Variants in PTPRD observed in about 807,000 individuals in gnomAD.
PTPRD encodes protein tyrosine phosphatase receptor type D.
In PTPRD, 34 loss-of-function variants were observed where a neutral mutation model predicts 214.5. That is an observed-to-expected ratio of 0.16 (90% confidence interval 0.12 to 0.21). The LOEUF (loss-of-function observed/expected upper bound fraction) is 0.21. Ranked by LOEUF, PTPRD falls within the 10% of genes least tolerant of loss-of-function variation. The pLI is 1.00. For missense variants in PTPRD, 2,545 were observed against 2,398.7 expected (o/e 1.06, Z -1.27); for synonymous variants, 1,128 against 845.7 (o/e 1.33, Z -5.79).
chr9:10,455,976 T>A (rs2098913518), intron 2 of PTPRD, among the ~76,000 whole-genome samples: 1 of 151,854 alleles, frequency 6.6e-6, no homozygotes, highest in African/African-American at 2.4e-5. Context: ...TCTGTTTTAA[T>A]TCTCATATTA....
chr9:9,956,554 A>C (rs1388318806), intron 4 of PTPRD, among the ~76,000 whole-genome samples: 1 of 152,158 alleles, frequency 6.6e-6, no homozygotes, highest in East Asian at 1.9e-4. Context: ...TACAGAAGAT[A>C]CATATGTTTT....
At chr9:10,382,112 T>C (rs1356408225) in intron 2 of PTPRD, among the ~76,000 whole-genome samples, 2 of 151,872 alleles carry the variant, frequency 1.3e-5, no homozygotes, top group Non-Finnish European at 2.9e-5. Flanking sequence ...CTGGTACTTA[T>C]TTGGTATTAA....
At chr9:9,696,710 T>G (rs752646024) in intron 7 of PTPRD, among the ~76,000 whole-genome samples, 1 of 152,136 alleles carries the variant, frequency 6.6e-6, no homozygotes, top group Admixed American at 6.6e-5. Context: ...GTGAAATGGG[T>G]TTCTTGTAGG....
chr9:8,809,022 C>G (rs557686613), intron 11 of PTPRD, among the ~76,000 whole-genome samples: 1 of 152,200 alleles, frequency 6.6e-6, no homozygotes, highest in African/African-American at 2.4e-5. Context: ...GAAGGAAAGT[C>G]AGAGACCACT....
At chr9:8,843,239 G>C (rs566868173) in intron 11 of PTPRD, among the ~76,000 whole-genome samples, 2 of 152,086 alleles carry the variant, frequency 1.3e-5, no homozygotes, top group Non-Finnish European at 2.9e-5. Context: ...CTTCACATCG[G>C]GCTGGTACAA....
chr9:10,427,412 G>C (rs2098632304), intron 2 of PTPRD, among the ~76,000 whole-genome samples: 1 of 152,024 alleles, frequency 6.6e-6, no homozygotes, highest in Non-Finnish European at 1.5e-5. Flanking sequence ...TCAGGTTTTG[G>C]TATGGAGAGA....
At chr9:8,332,721 G>A (rs555001008) in intron 43 of PTPRD, among the ~76,000 whole-genome samples, 1 of 152,272 alleles carries the variant, frequency 6.6e-6, no homozygotes, top group African/African-American at 2.4e-5. Context: ...GGGAGCCTCT[G>A]TTTATAGAAG....
intron 8 of PTPRD, among the ~76,000 whole-genome samples, chr9:9,574,115 CAAAT>C (rs1217959760): frequency 2.0e-5 from 3 of 151,784 alleles, no homozygotes; most frequent in Non-Finnish European, 4.4e-5. Flanking sequence ...TTTCAAAACA[CAAAT>C]AAACTCATAT....
intron 10 of PTPRD, among the ~76,000 whole-genome samples, chr9:9,152,005 G>A (rs2099877216): frequency 6.6e-6 from 1 of 152,188 alleles, no homozygotes; most frequent in African/African-American, 2.4e-5. Context: ...ATAGTTAGAT[G>A]AGTGAGAGTA....
At chr9:9,960,160 G>A (rs949287805) in intron 4 of PTPRD, among the ~76,000 whole-genome samples, 12 of 149,352 alleles carry the variant, frequency 8.0e-5, no homozygotes, top group African/African-American at 2.5e-4. Context: ...CAGAATGCAA[G>A]GACATATTCA....
intron 3 of PTPRD, among the ~76,000 whole-genome samples, chr9:10,133,955 T>C (rs1370067805): frequency 6.6e-6 from 1 of 152,062 alleles, no homozygotes; most frequent in African/African-American, 2.4e-5. Context: ...TATTACATAC[T>C]TTTTTTCATT....
intron 39 of PTPRD, among the ~76,000 whole-genome samples, chr9:8,367,864 T>G (rs561495887): frequency 9.8e-5 from 15 of 152,322 alleles, no homozygotes; most frequent in African/African-American, 3.6e-4. Context: ...TTTACACGGC[T>G]CTTATTTAAT....
chr9:9,920,491 A>G (rs1452006173), intron 5 of PTPRD, among the ~76,000 whole-genome samples: 1 of 152,168 alleles, frequency 6.6e-6, no homozygotes, highest in Non-Finnish European at 1.5e-5. Context: ...TTATAAAAAT[A>G]AAATGATGGA....
chr9:9,627,411 T>C (rs1282605007), intron 7 of PTPRD, among the ~76,000 whole-genome samples: 2 of 152,228 alleles, frequency 1.3e-5, no homozygotes, highest in East Asian at 3.8e-4. Context: ...TGTTAATAAT[T>C]TGTTACTTTG....
intron 3 of PTPRD, among the ~76,000 whole-genome samples, chr9:10,123,786 T>TAAA (rs1250171164): frequency 2.0e-5 from 3 of 152,220 alleles, no homozygotes; most frequent in Non-Finnish European, 4.4e-5. Context: ...TTATTGCCAG[T>TAAA]ACTGTGTTTT....
chr9:10,439,616 A>T (rs1247471448), intron 2 of PTPRD, among the ~76,000 whole-genome samples: 2 of 151,892 alleles, frequency 1.3e-5, no homozygotes, highest in East Asian at 3.9e-4. Flanking sequence ...AAGGTAAGAT[A>T]TTTTTGTGCA....
chr9:9,285,054 T>A (rs1008663762), intron 9 of PTPRD, among the ~76,000 whole-genome samples: 1 of 151,758 alleles, frequency 6.6e-6, no homozygotes, highest in African/African-American at 2.4e-5. Flanking sequence ...AAAAATAACA[T>A]TCCATTTCAT....
chr9:8,353,380 T>C (rs2076027264), intron 39 of PTPRD, among the ~76,000 whole-genome samples: 2 of 151,884 alleles, frequency 1.3e-5, no homozygotes, highest in Non-Finnish European at 2.9e-5. Flanking sequence ...CATGGGTTTC[T>C]GAATTATGAA....
chr9:10,170,620 G>A (rs1051346899), intron 3 of PTPRD, among the ~76,000 whole-genome samples: 2 of 152,114 alleles, frequency 1.3e-5, no homozygotes, highest in Non-Finnish European at 2.9e-5. Flanking sequence ...CCGGGAGGCG[G>A]AGCTTGCAGT....
Sources: gnomAD v4.1 joint callset for allele counts (sites outside exome capture counted in the v4.1 genomes callset) on GRCh38, gnomAD v4.1.1 for gene constraint, MANE v1.5 for transcripts, NCBI Gene and HGNC (gene_info 2026-07-23, HGNC 2026-07-21) for gene names.